MAN1C1: variants seen among roughly 807,000 people sequenced by gnomAD.
The protein encoded by MAN1C1 is mannosidase alpha class 1C member 1.
A neutral mutation model predicts 71.5 loss-of-function variants in MAN1C1; 49 were observed. The observed-to-expected ratio is 0.69, with a 90% CI of 0.54 to 0.87. The LOEUF is 0.87. MAN1C1 is among the 40% of genes least tolerant of loss of function. MAN1C1 has a pLI of 0.00. For missense variants in MAN1C1, 743 were observed against 835.0 expected, an observed-to-expected ratio of 0.89 and a Z score of 1.36; for synonymous variants, 352 against 343.7, an observed-to-expected ratio of 1.02 and a Z score of -0.27.
At chr1:25,662,033 T>C (rs1195233132) in intron 1 of MAN1C1, among the ~76,000 whole-genome samples, 4 of 152,156 alleles carry the variant, frequency 2.6e-5, no homozygotes, top group Non-Finnish European at 5.9e-5. Flanking sequence ...CTTCCCCATC[T>C]CTCTGGAGTC....
intron 1 of MAN1C1, among the ~76,000 whole-genome samples, chr1:25,633,577 A>C (rs752639719): frequency 7.0e-6 from 1 of 143,208 alleles, no homozygotes; most frequent in Non-Finnish European, 1.5e-5. Flanking sequence ...AGTCTGTCTT[A>C]TCAGATATAA....
chr1:25,677,953 C>T (rs1433540602), intron 1 of MAN1C1, among the ~76,000 whole-genome samples: 1 of 147,112 alleles, frequency 6.8e-6, no homozygotes. Flanking sequence ...TAGCACCATA[C>T]GATGTCTTCT....
intron 2 of MAN1C1, among the ~76,000 whole-genome samples, chr1:25,692,219 A>G (rs2046318376): frequency 6.6e-6 from 1 of 152,182 alleles, no homozygotes; most frequent in Non-Finnish European, 1.5e-5. Context: ...CATGCTGTCA[A>G]AACAGAGCTC....
chr1:25,718,071 G>T (rs148977175), intron 2 of MAN1C1, among the ~76,000 whole-genome samples: 5 of 151,884 alleles, frequency 3.3e-5, no homozygotes, highest in Non-Finnish European at 7.4e-5. Context: ...TCAAAATATT[G>T]GTTGTTCGGG....
chr1:25,690,894 G>A (rs2046299358), intron 2 of MAN1C1, among the ~76,000 whole-genome samples: 1 of 152,230 alleles, frequency 6.6e-6, no homozygotes, highest in Admixed American at 6.5e-5. Context: ...GGCAGAGTCA[G>A]GGGAGGCAGG....
intron 1 of MAN1C1, among the ~76,000 whole-genome samples, chr1:25,651,508 G>A (rs544049242): frequency 6.6e-6 from 1 of 152,366 alleles, no homozygotes; most frequent in South Asian, 2.1e-4. Flanking sequence ...GCCCAGCACT[G>A]TGGACCAAGT....
At chr1:25,734,093 C>G (rs916712217) in intron 2 of MAN1C1, among the ~76,000 whole-genome samples, 3 of 151,762 alleles carry the variant, frequency 2.0e-5, no homozygotes, top group Non-Finnish European at 4.4e-5. Context: ...GCCACTGCGC[C>G]CAGCCGAGCT....
intron 3 of MAN1C1, among the ~76,000 whole-genome samples, chr1:25,747,283 C>T (rs1189114475): frequency 1.4e-4 from 21 of 152,202 alleles, no homozygotes; most frequent in Admixed American, 1.2e-3. Flanking sequence ...ATGGCCAGGC[C>T]TGGGACCTCT....
At chr1:25,650,807 A>AT (rs2045680822) in intron 1 of MAN1C1, among the ~76,000 whole-genome samples, 1 of 152,180 alleles carries the variant, frequency 6.6e-6, no homozygotes, top group African/African-American at 2.4e-5. Flanking sequence ...TTTAGTCCTT[A>AT]CAGAAGGAGA....
At chr1:25,664,336 G>A (rs79736202) in intron 1 of MAN1C1, among the ~76,000 whole-genome samples, 3,551 of 151,746 alleles carry the variant, frequency 0.023, 140 homozygotes, top group African/African-American at 0.081. Context: ...CACCACAATA[G>A]TTCAAAACCA....
chr1:25,757,467 G>T (rs1447237075), intron 5 of MAN1C1, among the ~76,000 whole-genome samples: 2 of 149,358 alleles, frequency 1.3e-5, no homozygotes, highest in African/African-American at 5.0e-5. Flanking sequence ...CCACAGGAAA[G>T]ATAATCATGA....
Position 25,778,366 on chromosome 1 carries a change from T to G in MAN1C1, c.1477+42T>G. The G allele has an allele frequency of 6.4e-7, 1 of 1,553,602 alleles. No individual in the cohort carries two copies. The highest frequency in any genetic ancestry group is 8.7e-7 in the Non-Finnish European group (1 of 1,143,728). The stretch of plus-strand genomic sequence containing the variant: ...AAGGGGCAGCAGGAGAGACTGAGGC[T>G]AGACACCAGGAAGAACTGGAAAGAC... On this transcript the variant is annotated intron_variant, in intron 9 of 11. Coordinates refer to ENST00000374332, the MANE Select transcript of MAN1C1 (RefSeq NM_020379.4). The surrounding 1 kb of genome is among the most constrained non-coding windows in gnomAD (Gnocchi z 5.5).
rs1275805400 is a variant in MAN1C1, at chr1:25,735,712, T to A, written c.638-10956T>A. On this transcript the variant is annotated intron_variant, in intron 2 of 11. Coordinates refer to ENST00000374332, the MANE Select transcript of MAN1C1 (RefSeq NM_020379.4). The surrounding 1 kb of genome is among the most constrained non-coding windows in gnomAD (Gnocchi z 4.6). ...TTTATCTAGGCTGCATCTAGCTAGA[T>A]CCAAGTCTGCTCTGCACATATCTCA... 2.6e-5 allele frequency among the ~76,000 whole-genome samples: 4 copies of A among 152,188 alleles called. No homozygotes were observed. Among genetic ancestry groups the A allele is most frequent in the Admixed American group, 6.5e-5 (1 of 15,284 alleles).
intron 7 of MAN1C1, 92 bp from the exon 8 acceptor site, chr1:25,771,565 G>A (rs751910760): frequency 2.7e-5 from 25 of 913,290 alleles, no homozygotes; most frequent in East Asian, 1.2e-4. Context: ...TACAGGCACC[G>A]GGCCCCTGAG....
chr1:25,771,860 GC>G, intron 8 of MAN1C1, 88 bp downstream of exon 8: 1 of 956,748 alleles, frequency 1.0e-6, no homozygotes, highest in Non-Finnish European at 1.7e-6. Flanking sequence ...GGGCAGCGGG[GC>G]CAGATGGGCC....
At chr1:25,752,773 T>C (rs911408914) in intron 4 of MAN1C1, among the ~76,000 whole-genome samples, 4 of 152,222 alleles carry the variant, frequency 2.6e-5, no homozygotes, top group Non-Finnish European at 5.9e-5. Context: ...TCCCTTGCTG[T>C]CCTGTGGGTG....
intron 2 of MAN1C1, among the ~76,000 whole-genome samples, chr1:25,718,491 AC>A (rs1487989113): frequency 6.6e-6 from 1 of 152,226 alleles, no homozygotes; most frequent in Non-Finnish European, 1.5e-5. Context: ...ATTGTAATGT[AC>A]TATTCAGTAG....
chr1:25,777,140 G>A (rs1457432965), intron 8 of MAN1C1, among the ~76,000 whole-genome samples: 1 of 152,170 alleles, frequency 6.6e-6, no homozygotes, highest in African/African-American at 2.4e-5. Context: ...ACCACTGAAG[G>A]TTCTAAGCAG....
At position 25,631,753 on chromosome 1, in the gene MAN1C1, T is replaced by A. The variant is rs2045383627; in HGVS notation, c.540+13416T>A. ...CCTGGTTTTGTTATGAAAGTGATAC[T>A]GGCTTCGTAGAATGATTTAGGGAGG... On this transcript the variant is annotated intron_variant, in intron 1 of 11. Transcript: ENST00000374332. This position sits in a 1 kb window ranked among gnomAD's most constrained non-coding sequence, Gnocchi z 4.2. Among the ~76,000 whole-genome samples the A allele has an allele frequency of 6.6e-6, 1 of 152,198 alleles. No homozygotes were observed. Among genetic ancestry groups the A allele is most frequent in the South Asian group, 2.1e-4 (1 of 4,830 alleles).
Sources: allele counts gnomAD v4.1 joint callset (sites outside exome capture counted in the v4.1 genomes callset), GRCh38; gene constraint gnomAD v4.1.1; non-coding constraint Gnocchi (gnomAD v3.1); transcripts MANE v1.5; gene names NCBI Gene and HGNC (gene_info 2026-07-23, HGNC 2026-07-21).